Variants in RPSA2 observed in about 807,000 individuals in gnomAD.
RPSA2 encodes the protein ribosomal protein SA 2.
chr19:23,758,925 T>C, the RPSA2 span: 1 of 755,444 alleles, frequency 1.3e-6, no homozygotes, highest in Non-Finnish European at 2.2e-6. Context: ...CCGCCCTGTC[T>C]GCTCCAGCTG....
chr19:23,795,189 GTTTTTTTT>G, the RPSA2 span, among the ~76,000 whole-genome samples: 4 of 146,024 alleles, frequency 2.7e-5, no homozygotes, highest in Non-Finnish European at 4.5e-5. Flanking sequence ...TTTTACAATA[GTTTTTTTT>G]TTTTTTTTAG....
chr19:23,775,459 C>T, the RPSA2 span, among the ~76,000 whole-genome samples: 3 of 152,150 alleles, frequency 2.0e-5, no homozygotes, highest in African/African-American at 7.2e-5. Context: ...GCAGAAAAGT[C>T]TCCCAGCCAC....
the RPSA2 span, chr19:23,833,304 A>C: frequency 9.7e-6 from 6 of 619,464 alleles, no homozygotes; most frequent in South Asian, 2.6e-4. Flanking sequence ...AAATATTACA[A>C]GTGTGAATAA....
At chr19:23,787,384 C>T in the RPSA2 span, among the ~76,000 whole-genome samples, 1 of 151,462 alleles carries the variant, frequency 6.6e-6, no homozygotes, top group Non-Finnish European at 1.5e-5. Context: ...AAGTGGATCA[C>T]AAGGTCAGGA....
At chr19:23,794,436 A>G in the RPSA2 span, among the ~76,000 whole-genome samples, 1 of 152,038 alleles carries the variant, frequency 6.6e-6, no homozygotes, top group Non-Finnish European at 1.5e-5. Context: ...GCATTTCTCT[A>G]ATGATTATTG....
chr19:23,863,881 C>T, the RPSA2 span, among the ~76,000 whole-genome samples: 1 of 152,200 alleles, frequency 6.6e-6, no homozygotes, highest in Non-Finnish European at 1.5e-5. Context: ...CATGACCACA[C>T]ACCATCTGCT....
chr19:23,822,424 G>T, the RPSA2 span, among the ~76,000 whole-genome samples: 1 of 152,184 alleles, frequency 6.6e-6, no homozygotes, highest in Admixed American at 6.5e-5. Context: ...CTGCAATCTG[G>T]CCAGGTTGGA....
chr19:23,847,953 G>A, the RPSA2 span, among the ~76,000 whole-genome samples: 30 of 152,048 alleles, frequency 2.0e-4, no homozygotes, highest in Non-Finnish European at 2.9e-4. Flanking sequence ...GCCTGACCCC[G>A]CAGGCAGTCA....
At chr19:23,833,538 T>C in the RPSA2 span, among the ~76,000 whole-genome samples, 2 of 152,126 alleles carry the variant, frequency 1.3e-5, no homozygotes, top group Admixed American at 6.5e-5. Flanking sequence ...TAATTCATAC[T>C]GGAGATAACT....
At chr19:23,832,293 A>G in the RPSA2 span, 3 of 460,418 alleles carry the variant, frequency 6.5e-6, no homozygotes, top group Non-Finnish European at 8.8e-6. Context: ...TTCATACTAG[A>G]GGGAAACATT....
At chr19:23,761,922 T>TCCCTCCTTCCCTCCCTCCCTCCC in the RPSA2 span, among the ~76,000 whole-genome samples, 1 of 99,028 alleles carries the variant, frequency 1.0e-5, no homozygotes, top group African/African-American at 4.1e-5. Flanking sequence ...CTTTCTTTCT[T>TCCCTCCTTCCCTCCCTCCCTCCC]TTTTTTTTTT....
chr19:23,836,165 T>C, the RPSA2 span, among the ~76,000 whole-genome samples: 9 of 152,220 alleles, frequency 5.9e-5, no homozygotes, highest in Non-Finnish European at 1.2e-4. Flanking sequence ...CTTCTCCCCA[T>C]GTCCCCAAAG....
chr19:23,800,593 G>C, the RPSA2 span, among the ~76,000 whole-genome samples: 1 of 140,786 alleles, frequency 7.1e-6, no homozygotes, highest in South Asian at 2.4e-4. Context: ...CTTCTAGAGG[G>C]GCTAGAGCAG....
the RPSA2 span, among the ~76,000 whole-genome samples, chr19:23,835,173 T>G: frequency 2.6e-5 from 4 of 151,092 alleles, no homozygotes; most frequent in Non-Finnish European, 5.9e-5. Context: ...GTAAAATCCA[T>G]ACATTTCTGA....
At chr19:23,869,980 G>T in the RPSA2 span, among the ~76,000 whole-genome samples, 1 of 152,158 alleles carries the variant, frequency 6.6e-6, no homozygotes, top group African/African-American at 2.4e-5. Context: ...TTATATCACT[G>T]CATTAATCAT....
the RPSA2 span, among the ~76,000 whole-genome samples, chr19:23,776,148 G>C: frequency 2.0e-5 from 3 of 152,158 alleles, no homozygotes; most frequent in African/African-American, 7.2e-5. Flanking sequence ...ACAGAAGCAG[G>C]ATATGCACAG....
At chr19:23,776,188 C>T in the RPSA2 span, among the ~76,000 whole-genome samples, 1 of 152,202 alleles carries the variant, frequency 6.6e-6, no homozygotes, top group Non-Finnish European at 1.5e-5. Flanking sequence ...GACCTTCCTG[C>T]ACGTGTGACT....
chr19:23,758,829 T>C, the RPSA2 span: 6 of 1,598,458 alleles, frequency 3.8e-6, no homozygotes, highest in African/African-American at 6.7e-5. Flanking sequence ...AGGCTGGGCC[T>C]CTAGAAGAAG....
chr19:23,800,031 T>C, the RPSA2 span, among the ~76,000 whole-genome samples: 11 of 146,288 alleles, frequency 7.5e-5, no homozygotes, highest in African/African-American at 1.5e-4. Context: ...CTTTTTCTTT[T>C]TTTTTTTTTT....
Sources: gnomAD v4.1 joint callset for allele counts (sites outside exome capture counted in the v4.1 genomes callset) on GRCh38, gnomAD v4.1.1 for gene constraint, MANE v1.5 for transcripts, NCBI Gene and HGNC (gene_info 2026-07-23, HGNC 2026-07-21) for gene names.